PCDHGB2: variants seen among roughly 807,000 people sequenced by gnomAD.
PCDHGB2 encodes protocadherin gamma subfamily B, 2.
A neutral mutation model predicts 59.3 loss-of-function variants in PCDHGB2; 55 were observed. The ratio of observed to expected loss-of-function variants is 0.93; its 90% CI spans 0.75 to 1.16. PCDHGB2 has a LOEUF of 1.16. Ranked by LOEUF, PCDHGB2 falls within the 50% of genes most tolerant of loss-of-function variation. The probability of loss-of-function intolerance (pLI) is 0.00; values close to 1 mark genes in which losing one functional copy is unlikely to be tolerated. For missense variants in PCDHGB2, 1,228 were observed against 1,198.5 expected, an observed-to-expected ratio of 1.02 and a Z score of -0.36; for synonymous variants, 516 against 512.0, an observed-to-expected ratio of 1.01 and a Z score of -0.11.
Position 141,490,109 on chromosome 5 carries a change from G to A in PCDHGB2, c.2422-4698G>A, listed in dbSNP as rs775286436. The A allele has an allele frequency of 3.4e-5, 55 of 1,614,114 alleles. No homozygotes were observed. Among genetic ancestry groups the A allele is most frequent in the African/African-American group, 8.0e-5 (6 of 74,940 alleles). ...GGAGACCACACATCTGAGGCAGTGC[G>A]GAACCTCTTTGGCCTAGACCCTAGC... On this transcript the variant is annotated intron_variant, in intron 1 of 3. Coordinates refer to ENST00000522605, the MANE Select transcript of PCDHGB2 (RefSeq NM_018923.3). This position sits in a 1 kb window ranked among gnomAD's most constrained non-coding sequence, Gnocchi z 5.4.
intron 1 of PCDHGB2, chr5:141,400,747 G>A: frequency 1.7e-6 from 1 of 602,780 alleles, no homozygotes; most frequent in Non-Finnish European, 2.9e-6. Flanking sequence ...TTTGCTCTTA[G>A]CTTCCTCTCT....
At chr5:141,433,124 G>T in intron 1 of PCDHGB2, 5 of 1,614,136 alleles carry the variant, frequency 3.1e-6, no homozygotes, top group Non-Finnish European at 4.2e-6. Context: ...TGAAAAAAGC[G>T]AGCCCCTTTT....
chr5:141,415,502 A>AGCCC, intron 1 of PCDHGB2: 1 of 1,614,204 alleles, frequency 6.2e-7, no homozygotes, highest in South Asian at 1.1e-5. Flanking sequence ...ATCTTCCCCC[A>AGCCC]GCCCAATTAT....
rs558730748 is a variant in PCDHGB2, at chr5:141,469,995, G to A, written c.2422-24812G>A. Reference sequence around the variant, plus strand: ...AAAATACAAAAATTAGCTGGTCGTCGTGGCACGCCTGTAATCCCAGCTACT... The same window carrying A: ...AAAATACAAAAATTAGCTGGTCGTCATGGCACGCCTGTAATCCCAGCTACT... On this transcript the variant is annotated intron_variant, in intron 1 of 3. Coordinates refer to ENST00000522605, the MANE Select transcript of PCDHGB2 (RefSeq NM_018923.3). Among the ~76,000 whole-genome samples, 8 of 152,194 alleles carry A rather than the reference G, an allele frequency of 5.3e-5. No homozygotes were observed. In the East Asian group the frequency reaches 5.8e-4, roughly 11 times the overall value.
intron 1 of PCDHGB2, among the ~76,000 whole-genome samples, chr5:141,405,825 A>G (rs184785482): frequency 1.1e-3 from 172 of 152,272 alleles, no homozygotes; most frequent in Non-Finnish European, 1.9e-3. Context: ...TCTGTACTTA[A>G]GGTAGTATAA....
At chr5:141,436,691 A>G (rs2097840863) in intron 1 of PCDHGB2, among the ~76,000 whole-genome samples, 1 of 152,226 alleles carries the variant, frequency 6.6e-6, no homozygotes, top group Admixed American at 6.5e-5. Context: ...TATATTTTCA[A>G]TGCCAGCACA....
intron 1 of PCDHGB2, among the ~76,000 whole-genome samples, chr5:141,439,537 C>T (rs1404605731): frequency 6.6e-6 from 1 of 152,206 alleles, no homozygotes; most frequent in African/African-American, 2.4e-5. Flanking sequence ...GAACGCTGTC[C>T]TCTCATTTCT....
chr5:141,476,476 C>A lies in PCDHGB2; in HGVS notation c.2422-18331C>A. On this transcript the variant is annotated intron_variant, in intron 1 of 3. Coordinates refer to ENST00000522605, the MANE Select transcript of PCDHGB2 (RefSeq NM_018923.3). The surrounding 1 kb of genome is among the most constrained non-coding windows in gnomAD (Gnocchi z 7.6). ...TGGAGAACCCGCTGGAGCTGTTCAG[C>A]GTGGAAGTGGTGATCCAGGACATCA... 6.2e-7 allele frequency: 1 copy of A among 1,613,986 alleles called. No individual in the cohort carries two copies. The highest frequency in any genetic ancestry group is 8.5e-7 in the Non-Finnish European group (1 of 1,179,992).
intron 1 of PCDHGB2, chr5:141,421,750 C>G: frequency 6.2e-7 from 1 of 1,613,906 alleles, no homozygotes; most frequent in East Asian, 2.2e-5. Flanking sequence ...CCAGCTCAGC[C>G]CTAATAATTA....
chr5:141,364,683 G>A (rs1344688036), intron 1 of PCDHGB2: 6 of 1,613,976 alleles, frequency 3.7e-6, no homozygotes, highest in Non-Finnish European at 5.1e-6. Flanking sequence ...AAAATTTATG[G>A]AGTAGAAGTA....
chr5:141,372,098 G>C (rs2149999180), intron 1 of PCDHGB2: 1 of 1,613,794 alleles, frequency 6.2e-7, no homozygotes, highest in Middle Eastern at 1.7e-4. Flanking sequence ...CAGCTCTGGG[G>C]CCCGAAGGCT....
At chr5:141,374,840 GA>G in intron 1 of PCDHGB2, 1 of 1,613,796 alleles carries the variant, frequency 6.2e-7, no homozygotes, top group Non-Finnish European at 8.5e-7. Flanking sequence ...AAGTGTTCCT[GA>G]AAACCTGCCA....
At chr5:141,371,146 T>C (rs751386839) in intron 1 of PCDHGB2, 4 of 1,614,022 alleles carry the variant, frequency 2.5e-6, no homozygotes, top group East Asian at 4.5e-5. Flanking sequence ...AGGGTCAATG[T>C]TGCAGAGAAC....
At chr5:141,428,407 T>C in intron 1 of PCDHGB2, 1 of 470,350 alleles carries the variant, frequency 2.1e-6, no homozygotes, top group South Asian at 2.0e-5. Context: ...CTGGGGTTGC[T>C]TTCACCCTGG....
At chr5:141,401,478 T>A (rs2094159554) in intron 1 of PCDHGB2, among the ~76,000 whole-genome samples, 1 of 152,186 alleles carries the variant, frequency 6.6e-6, no homozygotes. Flanking sequence ...TTTATCCAGG[T>A]TTTCTTGGAT....
intron 1 of PCDHGB2, chr5:141,376,036 G>T: frequency 6.2e-7 from 1 of 1,613,116 alleles, no homozygotes; most frequent in Non-Finnish European, 8.5e-7. Context: ...ACCACGGCCA[G>T]CCCCCTCTCT....
chr5:141,392,892 G>C, intron 1 of PCDHGB2: 1 of 1,613,702 alleles, frequency 6.2e-7, no homozygotes, highest in East Asian at 2.2e-5. Flanking sequence ...GTGGGAAATC[G>C]GGAGGGGACA....
At chr5:141,475,959 A>T (rs963363028) in intron 1 of PCDHGB2, 15 of 817,720 alleles carry the variant, frequency 1.8e-5, no homozygotes, top group East Asian at 2.6e-5. Context: ...GCGCCCCGGG[A>T]TGAGGCAGAG....
intron 1 of PCDHGB2, chr5:141,364,596 G>A: frequency 6.2e-7 from 1 of 1,614,208 alleles, no homozygotes; most frequent in South Asian, 1.1e-5. Flanking sequence ...ACCGCGGGCA[G>A]GATAGACCGG....
Sources: gnomAD v4.1 joint callset for allele counts (sites outside exome capture counted in the v4.1 genomes callset) on GRCh38, gnomAD v4.1.1 for gene constraint, Gnocchi (gnomAD v3.1) non-coding constraint, MANE v1.5 for transcripts, NCBI Gene and HGNC (gene_info 2026-07-23, HGNC 2026-07-21) for gene names.